CSMD1: variants seen among roughly 807,000 people sequenced by gnomAD.
CSMD1 encodes CUB and sushi domain-containing protein 1.
CSMD1 carries 213 observed loss-of-function variants against 417.5 expected under a neutral mutation model. The ratio of observed to expected loss-of-function variants is 0.51; its 90% CI spans 0.46 to 0.57. The LOEUF is 0.57. Among genes scored for constraint, CSMD1 ranks in the 20% least tolerant of loss-of-function variants. The pLI is 0.00. For synonymous variants in CSMD1, 2,862 were observed against 1,736.8 expected (o/e 1.65, Z -16.11); for missense variants, 6,923 against 4,529.7 (o/e 1.53, Z -15.17).
chr8:3,861,325 C>G (rs1424335770), intron 5 of CSMD1, among the ~76,000 whole-genome samples: 1 of 152,182 alleles, frequency 6.6e-6, no homozygotes. Flanking sequence ...TCTTGGCTGG[C>G]ATAACTGCCG....
chr8:3,455,266 T>C (rs928078585), intron 12 of CSMD1, among the ~76,000 whole-genome samples: 1 of 152,294 alleles, frequency 6.6e-6, no homozygotes, highest in East Asian at 1.9e-4. Context: ...AACTTCCTCC[T>C]TTAGCTCGGA....
At chr8:3,641,735 C>G (rs1017966238) in intron 7 of CSMD1, among the ~76,000 whole-genome samples, 11 of 152,160 alleles carry the variant, frequency 7.2e-5, no homozygotes, top group Non-Finnish European at 2.9e-5. Context: ...ATGTTTGGGA[C>G]CAGGATTCTC....
intron 11 of CSMD1, among the ~76,000 whole-genome samples, chr8:3,471,209 G>A (rs530758625): frequency 3.3e-5 from 5 of 152,244 alleles, no homozygotes; most frequent in East Asian, 1.9e-4. Context: ...TAACAGCTAC[G>A]TGCATTTAAC....
At chr8:3,295,444 A>G (rs374993496) in intron 25 of CSMD1, among the ~76,000 whole-genome samples, 8 of 152,052 alleles carry the variant, frequency 5.3e-5, no homozygotes, top group African/African-American at 1.9e-4. Flanking sequence ...CTTTTGTACT[A>G]TTATGGGAGA....
chr8:4,331,755 C>T (rs1163907337), intron 3 of CSMD1, among the ~76,000 whole-genome samples: 2 of 152,146 alleles, frequency 1.3e-5, no homozygotes, highest in Admixed American at 6.5e-5. Flanking sequence ...CAGCTTCGGT[C>T]CATGTGCCAA....
chr8:3,287,286 C>T (rs1214176142), intron 25 of CSMD1, among the ~76,000 whole-genome samples: 12 of 151,822 alleles, frequency 7.9e-5, no homozygotes, highest in Non-Finnish European at 1.8e-4. Flanking sequence ...GTGATTCGGG[C>T]TCTTTTTTGG....
At chr8:4,984,809 T>G (rs1811086291) in intron 1 of CSMD1, among the ~76,000 whole-genome samples, 1 of 152,152 alleles carries the variant, frequency 6.6e-6, no homozygotes, top group Admixed American at 6.5e-5. Context: ...ATACTTAGTG[T>G]CCTTGGGCTG....
Position 4,848,199 on chromosome 8 carries a change from C to A in CSMD1, c.85+146133G>T, listed in dbSNP as rs186179845. On this transcript the variant is annotated intron_variant, in intron 1 of 69. Transcript: ENST00000635120. ...AATATTTCATTGTATGGAAATGGCA[C>A]AGTTTGTCTATCCTTTCATCTAGTG... is the stretch of plus-strand genomic sequence containing the variant. Among the ~76,000 whole-genome samples, 19 of 152,276 alleles carry A rather than the reference C, an allele frequency of 1.2e-4. No homozygotes were observed. In the East Asian group the frequency reaches 3.1e-3, roughly 25 times the overall value.
intron 1 of CSMD1, among the ~76,000 whole-genome samples, chr8:4,745,768 C>A (rs932175972): frequency 1.2e-4 from 19 of 152,250 alleles, no homozygotes; most frequent in African/African-American, 4.6e-4. Flanking sequence ...TCTATAGGAA[C>A]ACGCATTTTT....
At chr8:3,874,378 C>G (rs760991121) in intron 5 of CSMD1, among the ~76,000 whole-genome samples, 2 of 152,188 alleles carry the variant, frequency 1.3e-5, no homozygotes, top group African/African-American at 4.8e-5. Context: ...TCTTTAAAGA[C>G]GTACTTTTCA....
At chr8:3,128,954 A>G in intron 41 of CSMD1, 1 of 424,842 alleles carries the variant, frequency 2.4e-6, no homozygotes, top group East Asian at 7.0e-5. Flanking sequence ...CAAATCCTTT[A>G]AAAGCTGCGT....
chr8:4,112,463 G>A (rs76774317), intron 3 of CSMD1, among the ~76,000 whole-genome samples: 2,376 of 152,178 alleles, frequency 0.016, 68 homozygotes, highest in African/African-American at 0.054. Context: ...TTCTCCCCTG[G>A]TTCTTCCACC....
chr8:2,962,438 A>G, intron 61 of CSMD1, 28 bp downstream of exon 61: 1 of 1,585,790 alleles, frequency 6.3e-7, no homozygotes, highest in Non-Finnish European at 8.6e-7. Context: ...ACTCCCAGGT[A>G]TCCCCAGAGC....
At chr8:4,768,357 T>C (rs1305966142) in intron 1 of CSMD1, among the ~76,000 whole-genome samples, 1 of 152,072 alleles carries the variant, frequency 6.6e-6, no homozygotes, top group Non-Finnish European at 1.5e-5. Flanking sequence ...GGAAGACAAG[T>C]CCATCAAAGC....
At chr8:4,504,906 A>C (rs1199785093) in intron 2 of CSMD1, among the ~76,000 whole-genome samples, 3 of 152,138 alleles carry the variant, frequency 2.0e-5, no homozygotes, top group Admixed American at 2.0e-4. Context: ...GGTTGGTTCC[A>C]AGTCTTTGTT....
intron 5 of CSMD1, among the ~76,000 whole-genome samples, chr8:3,874,933 G>T (rs1253730549): frequency 6.6e-6 from 1 of 152,086 alleles, no homozygotes; most frequent in Non-Finnish European, 1.5e-5. Context: ...AAGACCTTGG[G>T]GCCTGACATT....
chr8:2,990,549 T>A (rs778193356), intron 54 of CSMD1, among the ~76,000 whole-genome samples: 1 of 152,144 alleles, frequency 6.6e-6, no homozygotes, highest in African/African-American at 2.4e-5. Flanking sequence ...ACGATCGACT[T>A]GCTAATTTTC....
intron 1 of CSMD1, among the ~76,000 whole-genome samples, chr8:4,976,779 G>C (rs922383205): frequency 1.3e-5 from 2 of 152,108 alleles, no homozygotes; most frequent in Non-Finnish European, 2.9e-5. Flanking sequence ...GATATGGTAG[G>C]TATATGACAC....
chr8:3,290,987 G>T (rs933077730), intron 25 of CSMD1, among the ~76,000 whole-genome samples: 21 of 152,104 alleles, frequency 1.4e-4, no homozygotes, highest in Non-Finnish European at 2.5e-4. Context: ...TTATTATTTT[G>T]AGATACGTCC....
Sources: allele counts gnomAD v4.1 joint callset (sites outside exome capture counted in the v4.1 genomes callset), GRCh38; gene constraint gnomAD v4.1.1; transcripts MANE v1.5; gene names NCBI Gene and HGNC (gene_info 2026-07-23, HGNC 2026-07-21).